Variants in DUOX2 observed in about 807,000 individuals in gnomAD.
DUOX2 encodes the protein NADH/NADPH thyroid oxidase p138-tox.
In DUOX2, 185 loss-of-function variants were observed where a neutral mutation model predicts 183.3. That is an observed-to-expected ratio of 1.01 (90% CI 0.90 to 1.14). The LOEUF (loss-of-function observed/expected upper bound fraction) is 1.14, where lower values mean the gene tolerates loss of function less well. Ranked by LOEUF, DUOX2 falls within the 50% of genes most tolerant of loss-of-function variation. The probability of loss-of-function intolerance (pLI) is 0.00; values close to 1 mark genes in which losing one functional copy is unlikely to be tolerated. For synonymous variants in DUOX2, 788 were observed against 812.4 expected (o/e 0.97, Z 0.51); for missense variants, 1,999 against 2,022.9 (o/e 0.99, Z 0.23).
chr15:45,109,098 T>G, intron 11 of DUOX2, 146 bp from the exon 12 acceptor site: 1 of 1,100,550 alleles, frequency 9.1e-7, no homozygotes, highest in Non-Finnish European at 1.3e-6. Flanking sequence ...ATGCTGACCT[T>G]GCCTTGCTGC....
In DUOX2 at chr15:45,101,704, A is replaced by G. The variant is rs1894084813; in HGVS notation, c.2851+89T>C. 33 of 1,562,350 alleles carry G rather than the reference A, an allele frequency of 2.1e-5. 1 individual carries two copies. In the South Asian group the frequency reaches 3.4e-4, roughly 16 times the overall value. ...ATACTAGGTACCAAGGACTCAGAAA[A>G]GAGTAAGACCTGGGTCCTGCCCACC... On this transcript the variant is annotated intron_variant, in intron 21 of 33. Coordinates refer to ENST00000389039, the MANE Select transcript of DUOX2 (RefSeq NM_001363711.2).
Position 45,110,128 on chromosome 15 carries a change from C to T in DUOX2, c.1041-148G>A, listed in dbSNP as rs140352238. ...AACACGGCAGAGATTTGGTGATGTG[C>T]GTTTACTGAAGATAGAGTGCGCTCC... On this transcript the variant is annotated intron_variant, in intron 9 of 33. Coordinates refer to ENST00000389039, the MANE Select transcript of DUOX2 (RefSeq NM_001363711.2). 406 of 807,798 alleles carry T rather than the reference C, an allele frequency of 5.0e-4. No homozygotes were observed. The African/African-American group carries it at 6.2e-3, about 12-fold the overall frequency. 50.0% of individuals were successfully genotyped at this position (807,798 alleles called of 1,614,324 possible).
rs199933270 is a variant in DUOX2 at position 45,109,524 on chromosome 15, C to T, written c.1234G>A (p.Asp412Asn). 99 of 1,613,796 alleles carry T rather than the reference C, an allele frequency of 6.1e-5. No homozygotes were observed. The highest frequency in any genetic ancestry group is 7.5e-5 in the Non-Finnish European group (89 of 1,179,750). Residue 412 changes from aspartate (D) to asparagine (N), a missense_variant and splice_region_variant, in exon 11 of 34, where the codon GAT becomes AAT. By Grantham distance (23) the Asp-to-Asn change is conservative. Transcript: ENST00000389039. ...CCACCCCTTCTGGCTCTGAGCTCAC[C>T]CCTCAGATCTTCAACCACTATGTTG... The part of the protein sequence containing the change: ...EDNIVVEDLR[D>N]YWPGPGKFSR...
chr15:45,111,965 TG>T lies in DUOX2; in HGVS notation c.326-11del, dbSNP rs2141158497. 3 of 1,612,954 alleles carry T rather than the reference TG, an allele frequency of 1.9e-6. No homozygotes were observed. The stretch of plus-strand genomic sequence containing the variant: ...GAAAGAACATGGTAGCCTGCGGGCA[TG>T]GGGCGCCAATACGTGACAAACCGTC... On this transcript the variant is annotated splice_polypyrimidine_tract_variant and intron_variant, in intron 4 of 33. Transcript: ENST00000389039.
rs76180151 is a variant in DUOX2 at position 45,112,501 on chromosome 15, C to A, written c.325+53G>T. On this transcript the variant is annotated intron_variant, in intron 4 of 33. Coordinates refer to ENST00000389039, the MANE Select transcript of DUOX2 (RefSeq NM_001363711.2). ...CGCAGACGGGATCTGGCCCCTCCCC[C>A]AGGCTGAGCAGAGCGCCAGATCAAC... is the stretch of plus-strand genomic sequence containing the variant. The A allele has an allele frequency of 2.5e-6, 4 of 1,599,130 alleles. No individual in the cohort carries two copies. In the South Asian group the frequency reaches 4.4e-5, roughly 18 times the overall value.
chr15:45,113,586 C>T, intron 1 of DUOX2, 161 bp from the exon 2 acceptor site: 1 of 644,114 alleles, frequency 1.6e-6, no homozygotes, highest in South Asian at 1.7e-5. Flanking sequence ...GGACCTTCAT[C>T]CAAACGCCAC....
In DUOX2 at chr15:45,101,231, C is replaced by T. The variant is rs140446258; in HGVS notation, c.2895G>A (p.Ser965=). 1.5e-4 allele frequency: 245 copies of T among 1,604,504 alleles called. No homozygotes were observed. The highest frequency in any genetic ancestry group is 3.9e-4 in the African/African-American group (29 of 74,804). The stretch of plus-strand genomic sequence containing the variant: ...GCTCCCCAGGTGTCCGAGTGATGAA[C>T]GAGACTCGACAGCTGATGTTTTGTT... ...IFKQNISCRV[S]FITRTPGERS... Residue 965 remains serine (S), a synonymous_variant, in exon 22 of 34, where the codon TCG becomes TCA. Transcript: ENST00000389039.
At chr15:45,112,481 A>G (rs1431405878) in intron 4 of DUOX2, 73 bp downstream of exon 4, 2 of 1,578,902 alleles carry the variant, frequency 1.3e-6, no homozygotes, top group Admixed American at 1.7e-5. Context: ...GGACTCGCAG[A>G]CGGGATCTGG....
chr15:45,105,970 G>C (rs1466939809), intron 17 of DUOX2, 142 bp from the exon 18 acceptor site: 1 of 1,381,644 alleles, frequency 7.2e-7, no homozygotes, highest in African/African-American at 1.4e-5. Context: ...GTGGACGAAG[G>C]GGGTCAGGTT....
Position 45,110,730 on chromosome 15 carries a change from G to T in DUOX2, c.883-20C>A. ...GATGTTCTGAGGGGCAGAGAGGGGC[G>T]AGGGGAGGCACAAGTTGGATGGTGT... On this transcript the variant is annotated intron_variant, in intron 7 of 33. Transcript: ENST00000389039. The T allele has an allele frequency of 2.5e-6, 4 of 1,612,056 alleles. No individual in the cohort carries two copies. Among genetic ancestry groups the T allele is most frequent in the East Asian group, 4.5e-5 (2 of 44,862 alleles).
rs1171597748 is a variant in DUOX2 at position 45,093,117 on chromosome 15, T to A, written c.*1033A>T. Reference sequence around the variant, plus strand: ...AAAAGGAAAAGAAAAGTTAAAGAGCTGAGTATGGAGGGGATGTTTCAGCCT... The same window carrying A: ...AAAAGGAAAAGAAAAGTTAAAGAGCAGAGTATGGAGGGGATGTTTCAGCCT... On this transcript the variant is annotated 3_prime_UTR_variant, in exon 34 of 34. Coordinates refer to ENST00000389039, the MANE Select transcript of DUOX2 (RefSeq NM_001363711.2). 1 of 152,146 alleles carries A rather than the reference T, an allele frequency of 6.6e-6. No homozygotes were observed. The highest frequency in any genetic ancestry group is 1.5e-5 in the Non-Finnish European group (1 of 68,020). 9.4% of individuals were successfully genotyped at this position (152,146 alleles called of 1,614,324 possible).
chr15:45,101,390 C>T lies in DUOX2; in HGVS notation c.2852-116G>A, dbSNP rs1566973542. 4 of 903,248 alleles carry T rather than the reference C, an allele frequency of 4.4e-6. No homozygotes were observed. The Admixed American group carries it at 6.0e-5, about 13-fold the overall frequency. 56.0% of individuals were successfully genotyped at this position (903,248 alleles called of 1,614,324 possible). On this transcript the variant is annotated intron_variant, in intron 21 of 33. Transcript: ENST00000389039. Reference sequence around the variant, plus strand: ...CATGTCCAGATCTCTGACTCGAGTCCTGTTTCCCTCATTCCCTAGACTAAG... The same window carrying T: ...CATGTCCAGATCTCTGACTCGAGTCTTGTTTCCCTCATTCCCTAGACTAAG...
Position 45,103,955 on chromosome 15 carries a change from C to G in DUOX2, c.2654+5G>C, listed in dbSNP as rs753899376. ...GTCTCAGGATTAGAAAGGCACACCC[C>G]ATACCGCATCATGGTGAAGAATTCG... On this transcript the variant is annotated splice_donor_5th_base_variant and intron_variant, in intron 20 of 33. Transcript: ENST00000389039. The G allele has an allele frequency of 1.2e-6, 2 of 1,614,096 alleles. No homozygotes were observed. Among genetic ancestry groups the G allele is most frequent in the South Asian group, 2.2e-5 (2 of 91,078 alleles).
chr15:45,109,293 C>T (rs1894314229), intron 11 of DUOX2: 1 of 603,306 alleles, frequency 1.7e-6, no homozygotes, highest in East Asian at 2.8e-5. Context: ...GGTACCACCC[C>T]TCCCCAATAC....
chr15:45,112,678 G>T lies in DUOX2; in HGVS notation c.201C>A (p.Asp67Glu), dbSNP rs756138223. ...LQRRVPANYA[D>E]GVYQALEEPQ... ...GCTCCTCCAGAGCCTGATACACACC[G>T]TCGGCGTAATTGGCTGGTACGCGGC... Residue 67 changes from aspartate (D) to glutamate (E), a missense_variant, in exon 4 of 34, where the codon GAC (aspartate) becomes GAA (glutamate). Around this residue, in one of 3 missense-constraint regions of DUOX2, gnomAD observed 356 missense variants for 356.4 expected, o/e 1.00. Transcript: ENST00000389039. 9.9e-6 allele frequency: 16 copies of T among 1,612,584 alleles called. No homozygotes were observed. The highest frequency in any genetic ancestry group is 1.2e-5 in the Non-Finnish European group (14 of 1,179,916).
rs1309032349 is a variant in DUOX2 at position 45,108,451 on chromosome 15, C to A, written c.1399-229G>T. ...GTGCCCTAGGACCATATCCTGTGAC[C>A]ATCACCAGCCTGCCTGACCTCAATG... On this transcript the variant is annotated intron_variant, in intron 12 of 33. Transcript: ENST00000389039. 1.3e-5 allele frequency: 8 copies of A among 607,810 alleles called. No individual in the cohort carries two copies. The Admixed American group carries it at 2.3e-4, about 18-fold the overall frequency. 37.7% of individuals were successfully genotyped at this position (607,810 alleles called of 1,614,324 possible). A position where few individuals can be genotyped will look rare whatever the true frequency, so the allele number is the denominator to read the frequency against.
At chr15:45,110,552 G>T (rs1180454261) in intron 8 of DUOX2, 28 bp from the exon 9 acceptor site, 1 of 1,614,036 alleles carries the variant, frequency 6.2e-7, no homozygotes, top group East Asian at 2.2e-5. Flanking sequence ...TGATGATGGG[G>T]AGACAGGCTT....
intron 30 of DUOX2, 45 bp from the exon 31 acceptor site, chr15:45,095,640 G>C: frequency 6.2e-7 from 1 of 1,613,554 alleles, no homozygotes; most frequent in Non-Finnish European, 8.5e-7. Context: ...CCCTGCCCCA[G>C]CTCTGAGACC....
rs1893801499 is a variant in DUOX2 at position 45,092,979 on chromosome 15, G to A, written c.*1171C>T. ...GGGGAGTTTCTGGGGTGATGGAAAT[G>A]TTGAAACATTCTATGTCTTGACCTG... On this transcript the variant is annotated 3_prime_UTR_variant, in exon 34 of 34. Transcript: ENST00000389039. The A allele has an allele frequency of 6.6e-6, 1 of 152,210 alleles. No individual in the cohort carries two copies. The highest frequency in any genetic ancestry group is 2.4e-5 in the African/African-American group (1 of 41,446). 9.4% of individuals were successfully genotyped at this position (152,210 alleles called of 1,614,324 possible). A position where few individuals can be genotyped will look rare whatever the true frequency, so the allele number is the denominator to read the frequency against.
Sources: gnomAD v4.1 joint callset for allele counts on GRCh38, gnomAD v4.1.1 for gene constraint, gnomAD v4.1.1 regional missense constraint, MANE v1.5 for transcripts, NCBI Gene and HGNC (gene_info 2026-07-23, HGNC 2026-07-21) for gene names.